HYCC2: variants seen among roughly 807,000 people sequenced by gnomAD.
HYCC2 encodes hyccin PI4KA lipid kinase complex subunit 2, also known as hyccin 2.
chr2:201,011,256 C>G, the HYCC2 span: 3 of 517,982 alleles, frequency 5.8e-6, no homozygotes, highest in East Asian at 1.0e-4. Context: ...GCTCAGTCTT[C>G]TAATAACAAA....
the HYCC2 span, among the ~76,000 whole-genome samples, chr2:201,018,990 G>C: frequency 2.6e-5 from 4 of 152,304 alleles, no homozygotes; most frequent in East Asian, 7.7e-4. Context: ...TTAGAATGGA[G>C]GTATAGATTG....
chr2:201,035,300 T>A, the HYCC2 span, among the ~76,000 whole-genome samples: 37 of 152,304 alleles, frequency 2.4e-4, no homozygotes, highest in Middle Eastern at 3.4e-3. Flanking sequence ...TTTGTTCGTT[T>A]CTTTTTATTC....
the HYCC2 span, among the ~76,000 whole-genome samples, chr2:201,069,016 G>A: frequency 0.03 from 4,574 of 150,762 alleles, 90 homozygotes; most frequent in South Asian, 0.056. Flanking sequence ...TCTCTAAGGG[G>A]AAAAAAAAAG....
the HYCC2 span, chr2:200,993,148 G>C: frequency 1.7e-6 from 1 of 593,194 alleles, no homozygotes; most frequent in Non-Finnish European, 3.0e-6. Context: ...TCTGGGCCTA[G>C]GCATACAGTT....
At chr2:201,024,935 C>T in the HYCC2 span, among the ~76,000 whole-genome samples, 1 of 151,764 alleles carries the variant, frequency 6.6e-6, no homozygotes, top group African/African-American at 2.4e-5. Context: ...ATGGTGAGAC[C>T]CAATATCTAT....
chr2:200,998,021 G>A, the HYCC2 span, among the ~76,000 whole-genome samples: 31 of 152,288 alleles, frequency 2.0e-4, no homozygotes, highest in Admixed American at 4.6e-4. Flanking sequence ...GGGCAACAGA[G>A]TGAGACTCCA....
chr2:201,064,934 G>A, the HYCC2 span, among the ~76,000 whole-genome samples: 1 of 152,112 alleles, frequency 6.6e-6, no homozygotes, highest in African/African-American at 2.4e-5. Flanking sequence ...AAAATATCAA[G>A]ACCAGGAAAT....
chr2:201,028,668 C>T, the HYCC2 span, among the ~76,000 whole-genome samples: 2 of 152,184 alleles, frequency 1.3e-5, no homozygotes, highest in African/African-American at 2.4e-5. Context: ...CACACATCTA[C>T]AACCATCTGA....
the HYCC2 span, among the ~76,000 whole-genome samples, chr2:201,028,465 T>C: frequency 0.32 from 48,254 of 152,074 alleles, 10,129 homozygotes; most frequent in African/African-American, 0.6. Context: ...AAAAACTACT[T>C]TAAAGTTCAT....
At chr2:201,064,584 T>A in the HYCC2 span, among the ~76,000 whole-genome samples, 1 of 152,174 alleles carries the variant, frequency 6.6e-6, no homozygotes, top group Non-Finnish European at 1.5e-5. Context: ...AAGTTCACCA[T>A]TAAAAGGGAT....
chr2:200,999,951 G>A, the HYCC2 span, among the ~76,000 whole-genome samples: 7 of 150,502 alleles, frequency 4.7e-5, no homozygotes, highest in African/African-American at 1.2e-4. Flanking sequence ...CCAGTTACTC[G>A]GGAAGCTGAG....
chr2:200,992,221 T>C, the HYCC2 span: 1 of 1,038,844 alleles, frequency 9.6e-7, no homozygotes, highest in Non-Finnish European at 1.5e-6. Flanking sequence ...CTTACATTTT[T>C]AACCTAGTAC....
the HYCC2 span, among the ~76,000 whole-genome samples, chr2:201,018,738 G>A: frequency 6.6e-6 from 1 of 152,148 alleles, no homozygotes; most frequent in African/African-American, 2.4e-5. Flanking sequence ...GGTTGAAGAG[G>A]GTGGATAGCT....
chr2:201,066,528 G>C, the HYCC2 span, among the ~76,000 whole-genome samples: 1 of 152,110 alleles, frequency 6.6e-6, no homozygotes, highest in Non-Finnish European at 1.5e-5. Context: ...CAATACAAAA[G>C]AATATGGAAA....
the HYCC2 span, chr2:200,974,704 C>T: frequency 6.6e-6 from 1 of 151,792 alleles, no homozygotes; most frequent in African/African-American, 2.4e-5. Context: ...ATACATAAAA[C>T]CTGTTTGGAA....
the HYCC2 span, among the ~76,000 whole-genome samples, chr2:200,987,953 C>CT: frequency 2.6e-5 from 4 of 151,046 alleles, no homozygotes; most frequent in Non-Finnish European, 4.4e-5. Context: ...ATATGTGCAC[C>CT]TTTTTTTTTC....
At chr2:200,990,268 G>C in the HYCC2 span, among the ~76,000 whole-genome samples, 1 of 152,136 alleles carries the variant, frequency 6.6e-6, no homozygotes, top group African/African-American at 2.4e-5. Context: ...TACATTGCTA[G>C]ACATGGGATA....
chr2:201,034,886 T>C, the HYCC2 span, among the ~76,000 whole-genome samples: 3 of 152,208 alleles, frequency 2.0e-5, no homozygotes, highest in Non-Finnish European at 4.4e-5. Context: ...GATATGAAAT[T>C]CTGGGTTGAA....
chr2:200,992,377 A>C, the HYCC2 span: 2 of 1,547,464 alleles, frequency 1.3e-6, no homozygotes, highest in African/African-American at 2.7e-5. Context: ...ACCTATGAAG[A>C]AGCAGATCAT....
Sources: gnomAD v4.1 joint callset for allele counts (sites outside exome capture counted in the v4.1 genomes callset) on GRCh38, gnomAD v4.1.1 for gene constraint, MANE v1.5 for transcripts, NCBI Gene and HGNC (gene_info 2026-07-23, HGNC 2026-07-21) for gene names.